Variants in BBS9 observed in about 807,000 individuals in gnomAD.
BBS9 encodes the protein Bardet-Biedl syndrome 9.
A neutral mutation model predicts 117.7 loss-of-function variants in BBS9; 89 were observed. That is an observed-to-expected ratio of 0.76 (90% CI 0.64 to 0.90). The LOEUF (loss-of-function observed/expected upper bound fraction) is 0.90, where lower values mean the gene tolerates loss of function less well. Ranked by LOEUF, BBS9 falls within the 40% of genes least tolerant of loss-of-function variation. The pLI is 0.00. For missense variants in BBS9, 982 were observed against 1,042.2 expected (o/e 0.94, Z 0.80); for synonymous variants, 379 against 370.9 (o/e 1.02, Z -0.25).
chr7:33,177,436 G>C (rs751916651), intron 4 of BBS9, 42 bp from the exon 5 acceptor site: 2 of 1,307,968 alleles, frequency 1.5e-6, no homozygotes, highest in South Asian at 2.4e-5. Flanking sequence ...ATGTTTTTTA[G>C]TGTACACAAA....
chr7:33,539,081 C>G (rs1325451404), intron 21 of BBS9, among the ~76,000 whole-genome samples: 1 of 152,074 alleles, frequency 6.6e-6, no homozygotes, highest in Non-Finnish European at 1.5e-5. Flanking sequence ...TGTAAAATCC[C>G]AAAGGAACTT....
intron 19 of BBS9, among the ~76,000 whole-genome samples, chr7:33,398,861 T>C (rs1828450244): frequency 6.6e-6 from 1 of 152,176 alleles, no homozygotes; most frequent in Non-Finnish European, 1.5e-5. Context: ...AATCTTTGTA[T>C]CTTTAGTAGA....
At chr7:33,563,055 G>T (rs1856331177) in intron 21 of BBS9, among the ~76,000 whole-genome samples, 1 of 152,182 alleles carries the variant, frequency 6.6e-6, no homozygotes, top group African/African-American at 2.4e-5. Context: ...TATTATTATA[G>T]AGTGTATTTT....
At position 33,138,897 on chromosome 7, in the gene BBS9, T is replaced by A. The variant is rs148398308; in HGVS notation, c.-11-7345T>A. ...AACCACTGTGCCTTGCCAAGAAGGA[T>A]GTAAATGATGCCTTTGTTATTTTGT... On this transcript the variant is annotated intron_variant, in intron 1 of 22. Coordinates refer to ENST00000242067, the MANE Select transcript of BBS9 (RefSeq NM_198428.3). 3.4e-3 allele frequency among the ~76,000 whole-genome samples: 514 copies of A among 151,258 alleles called. 2 individuals are homozygous for A. The highest frequency in any genetic ancestry group is 0.012 in the African/African-American group (498 of 41,526).
At chr7:33,503,587 T>C (rs568648044) in intron 19 of BBS9, among the ~76,000 whole-genome samples, 21 of 152,314 alleles carry the variant, frequency 1.4e-4, no homozygotes, top group African/African-American at 4.3e-4. Flanking sequence ...TCTGTCACCA[T>C]TGAATTCCCT....
At chr7:33,369,630 C>T (rs1425362490) in intron 17 of BBS9, among the ~76,000 whole-genome samples, 3 of 152,140 alleles carry the variant, frequency 2.0e-5, no homozygotes, top group African/African-American at 4.8e-5. Flanking sequence ...TTTTTGGCTA[C>T]AGTGACACAC....
In BBS9 at chr7:33,299,184, A is replaced by G. The variant is rs542122783; in HGVS notation, c.1016+25228A>G. 2.6e-5 allele frequency among the ~76,000 whole-genome samples: 4 copies of G among 152,302 alleles called. No individual in the cohort carries two copies. In the South Asian group the frequency reaches 8.3e-4, roughly 32 times the overall value. On this transcript the variant is annotated intron_variant, in intron 9 of 22. Coordinates refer to ENST00000242067, the MANE Select transcript of BBS9 (RefSeq NM_198428.3). ...TCTTTTTATTCACAATTGCATGCAT[A>G]CTAAGACTTTCAGTCATAATATTAA...
At chr7:33,256,280 G>A (rs1193937935) in intron 5 of BBS9, among the ~76,000 whole-genome samples, 1 of 152,172 alleles carries the variant, frequency 6.6e-6, no homozygotes, top group Non-Finnish European at 1.5e-5. Flanking sequence ...TTTTCAAACA[G>A]CATTAATATA....
intron 5 of BBS9, among the ~76,000 whole-genome samples, chr7:33,230,137 T>C (rs1342063418): frequency 2.6e-5 from 4 of 152,214 alleles, no homozygotes. Flanking sequence ...ATAAGTTCTT[T>C]ATAAATTTTG....
intron 19 of BBS9, among the ~76,000 whole-genome samples, chr7:33,459,851 A>T (rs1239247303): frequency 6.6e-6 from 1 of 152,146 alleles, no homozygotes; most frequent in South Asian, 2.1e-4. Flanking sequence ...GGTCTTTACC[A>T]TATATTATAT....
chr7:33,534,117 A>G lies in BBS9; in HGVS notation c.2462A>G (p.Lys821Arg). 6.2e-7 allele frequency: 1 copy of G among 1,614,194 alleles called. No individual in the cohort carries two copies. Among genetic ancestry groups the G allele is most frequent in the Non-Finnish European group, 8.5e-7 (1 of 1,180,040 alleles). Residue 821 changes from lysine to arginine, a missense_variant, in exon 21 of 23, where the codon AAA becomes AGA. Coordinates refer to ENST00000242067, the MANE Select transcript of BBS9 (RefSeq NM_198428.3). ...HITLLCDRLS[K>R]GGRLCLSTDA... Reference sequence around the variant, plus strand: ...ACCTTGCTCTGCGATAGATTATCCAAAGGTGGCCGTCTCTGCCTAAGTACC... The same window carrying G: ...ACCTTGCTCTGCGATAGATTATCCAGAGGTGGCCGTCTCTGCCTAAGTACC...
chr7:33,288,780 A>T (rs1318157679), intron 9 of BBS9, among the ~76,000 whole-genome samples: 1 of 152,198 alleles, frequency 6.6e-6, no homozygotes, highest in Admixed American at 6.5e-5. Flanking sequence ...AGCAATTTGT[A>T]TCATTATGTG....
Position 33,527,355 on chromosome 7 carries a change from C to T in BBS9, c.2299-6599C>T, listed in dbSNP as rs564817165. ...GGCGCCCCTCCCCCAGCCTCGCTGC[C>T]GCCTTGCAGTGTGATCTCAGACTGC... On this transcript the variant is annotated intron_variant, in intron 20 of 22. Coordinates refer to ENST00000242067, the MANE Select transcript of BBS9 (RefSeq NM_198428.3). Among the ~76,000 whole-genome samples the T allele has an allele frequency of 1.3e-3, 194 of 152,244 alleles. 2 individuals are homozygous for T. The highest frequency in any genetic ancestry group is 4.3e-3 in the African/African-American group (179 of 41,572).
At chr7:33,291,606 C>T (rs1037353718) in intron 9 of BBS9, among the ~76,000 whole-genome samples, 1 of 152,032 alleles carries the variant, frequency 6.6e-6, no homozygotes. Context: ...ATTAATGAAC[C>T]TTGAGTTTTG....
chr7:33,141,692 C>A (rs888479172), intron 1 of BBS9, among the ~76,000 whole-genome samples: 2 of 152,048 alleles, frequency 1.3e-5, no homozygotes, highest in Non-Finnish European at 2.9e-5. Context: ...ATGTTAGATG[C>A]ACTTTTTTTT....
chr7:33,249,600 C>T (rs1401289093), intron 5 of BBS9, among the ~76,000 whole-genome samples: 3 of 151,990 alleles, frequency 2.0e-5, no homozygotes, highest in Non-Finnish European at 4.4e-5. Context: ...CCAGATCTTA[C>T]AAGTAATATT....
At chr7:33,419,838 A>G (rs1832587377) in intron 19 of BBS9, among the ~76,000 whole-genome samples, 1 of 152,182 alleles carries the variant, frequency 6.6e-6, no homozygotes, top group Non-Finnish European at 1.5e-5. Flanking sequence ...AGCCCTTAAA[A>G]TTACCTTGAA....
intron 17 of BBS9, among the ~76,000 whole-genome samples, chr7:33,369,238 C>A (rs1404485190): frequency 2.0e-5 from 3 of 152,072 alleles, no homozygotes; most frequent in Non-Finnish European, 4.4e-5. Context: ...GCCAACATTT[C>A]TTTGGGAAAT....
intron 2 of BBS9, 71 bp downstream of exon 2, chr7:33,146,435 C>A: frequency 8.0e-7 from 1 of 1,244,452 alleles, no homozygotes; most frequent in Non-Finnish European, 1.2e-6. Context: ...GCACGGTGGC[C>A]GACTGCTGTA....
Sources: allele counts gnomAD v4.1 joint callset (sites outside exome capture counted in the v4.1 genomes callset), GRCh38; gene constraint gnomAD v4.1.1; transcripts MANE v1.5; gene names NCBI Gene and HGNC (gene_info 2026-07-23, HGNC 2026-07-21).